The following TMEM132B variants were observed in gnomAD, a reference collection of about 807,000 sequenced individuals.
The protein encoded by TMEM132B is transmembrane protein 132B.
In TMEM132B, 18 loss-of-function variants were observed where a neutral mutation model predicts 90.8. That is an observed-to-expected ratio of 0.20 (90% confidence interval 0.14 to 0.29). TMEM132B has a LOEUF of 0.29. TMEM132B is among the 10% of genes least tolerant of loss of function. The pLI, the probability that TMEM132B is intolerant of heterozygous loss-of-function variation, is 1.00. For synonymous variants in TMEM132B, 504 were observed against 523.3 expected (o/e 0.96, Z 0.50); for missense variants, 1,096 against 1,326.8 (o/e 0.83, Z 2.70).
intron 1 of TMEM132B, among the ~76,000 whole-genome samples, chr12:125,256,235 A>G (rs923595734): frequency 2.6e-5 from 4 of 152,222 alleles, no homozygotes; most frequent in Admixed American, 2.6e-4. Flanking sequence ...GGAAATTGCA[A>G]TACAGTCTCT....
chr12:125,381,453 C>T (rs558782581), intron 2 of TMEM132B, among the ~76,000 whole-genome samples: 16 of 152,266 alleles, frequency 1.1e-4, no homozygotes, highest in African/African-American at 3.9e-4. Flanking sequence ...CAGAATTGTC[C>T]CTCAGGAAAA....
chr12:125,388,915 A>G (rs1012665750), intron 2 of TMEM132B, among the ~76,000 whole-genome samples: 9 of 152,124 alleles, frequency 5.9e-5, no homozygotes, highest in African/African-American at 2.2e-4. Context: ...CCTACTAGTT[A>G]CAAGGCAACA....
At chr12:125,541,049 A>G (rs960450991) in intron 4 of TMEM132B, among the ~76,000 whole-genome samples, 13 of 152,132 alleles carry the variant, frequency 8.5e-5, no homozygotes, top group Non-Finnish European at 1.9e-4. Flanking sequence ...CCAGATGTCT[A>G]CAAGACTCAT....
At chr12:125,249,261 C>CGG (rs1565983642) in intron 1 of TMEM132B, among the ~76,000 whole-genome samples, 1 of 152,052 alleles carries the variant, frequency 6.6e-6, no homozygotes, top group East Asian at 1.9e-4. Context: ...GGGCTCCATC[C>CGG]CAGAGTTTCT....
intron 1 of TMEM132B, among the ~76,000 whole-genome samples, chr12:125,196,299 A>C (rs1276122406): frequency 6.6e-6 from 1 of 152,256 alleles, no homozygotes; most frequent in Non-Finnish European, 1.5e-5. Context: ...TGAAATTAAC[A>C]AACAGAACAA....
chr12:125,630,756 T>C (rs1440802509), intron 5 of TMEM132B, among the ~76,000 whole-genome samples: 3 of 151,970 alleles, frequency 2.0e-5, no homozygotes, highest in African/African-American at 7.2e-5. Flanking sequence ...CCATCCTCAA[T>C]TAGGCCCCAC....
intron 1 of TMEM132B, among the ~76,000 whole-genome samples, chr12:125,237,268 C>T (rs2136088424): frequency 6.6e-6 from 1 of 152,234 alleles, no homozygotes; most frequent in Admixed American, 6.5e-5. Context: ...CACCAAGGGG[C>T]TGTGGCTTTG....
intron 2 of TMEM132B, among the ~76,000 whole-genome samples, chr12:125,395,450 C>T (rs1480903629): frequency 1.3e-5 from 2 of 152,180 alleles, no homozygotes; most frequent in African/African-American, 4.8e-5. Context: ...GATATGACAA[C>T]AGAGGATCTC....
chr12:125,617,698 A>G (rs934088486), intron 5 of TMEM132B, among the ~76,000 whole-genome samples: 2 of 152,102 alleles, frequency 1.3e-5, no homozygotes, highest in Admixed American at 1.3e-4. Flanking sequence ...TGTTGGTATC[A>G]TACCAAGGTG....
chr12:125,390,166 T>A (rs1214387120), intron 2 of TMEM132B, among the ~76,000 whole-genome samples: 1 of 152,198 alleles, frequency 6.6e-6, no homozygotes, highest in African/African-American at 2.4e-5. Context: ...CACAAATGTG[T>A]TCACCAAAAG....
intron 2 of TMEM132B, among the ~76,000 whole-genome samples, chr12:125,370,119 T>A (rs916527669): frequency 1.3e-5 from 2 of 152,178 alleles, no homozygotes; most frequent in African/African-American, 2.4e-5. Context: ...GGATGAGTGA[T>A]CTGTGAAGTT....
chr12:125,504,967 G>C (rs1397574469), intron 3 of TMEM132B, among the ~76,000 whole-genome samples: 1 of 151,862 alleles, frequency 6.6e-6, no homozygotes, highest in African/African-American at 2.4e-5. Flanking sequence ...GGCTGACCCT[G>C]GAATCGCACA....
At chr12:125,342,653 A>G (rs974910458) in intron 1 of TMEM132B, among the ~76,000 whole-genome samples, 2 of 151,886 alleles carry the variant, frequency 1.3e-5, no homozygotes, top group African/African-American at 2.4e-5. Context: ...TCTGCTTCCC[A>G]TTTGCTCCTG....
At chr12:125,446,211 G>A (rs1054481072) in intron 3 of TMEM132B, among the ~76,000 whole-genome samples, 1 of 152,038 alleles carries the variant, frequency 6.6e-6, no homozygotes, top group African/African-American at 2.4e-5. Flanking sequence ...GCTGATGCTT[G>A]GCCTCACAGA....
intron 1 of TMEM132B, among the ~76,000 whole-genome samples, chr12:125,337,251 T>C (rs1194853715): frequency 6.6e-6 from 1 of 152,238 alleles, no homozygotes; most frequent in Non-Finnish European, 1.5e-5. Flanking sequence ...TATACCATGT[T>C]GGTTTATTTG....
chr12:125,551,228 A>G (rs746070833), intron 4 of TMEM132B, among the ~76,000 whole-genome samples: 12 of 152,202 alleles, frequency 7.9e-5, no homozygotes, highest in Non-Finnish European at 1.3e-4. Context: ...TAATTCTTAC[A>G]ACAATCCTGT....
At chr12:125,231,883 G>GT (rs1268173849) in intron 1 of TMEM132B, among the ~76,000 whole-genome samples, 1 of 137,864 alleles carries the variant, frequency 7.3e-6, no homozygotes, top group African/African-American at 2.6e-5. Flanking sequence ...CTTCTTTTGT[G>GT]TCCCCCCCCC....
rs73414333 is a variant in TMEM132B, at chr12:125,505,420, C to T, written c.1107-14019C>T. On this transcript the variant is annotated intron_variant, in intron 3 of 8. Coordinates refer to ENST00000682704, the MANE Select transcript of TMEM132B (RefSeq NM_001366854.1). ...CTGAAATAAAAAAGTTTACTGGGGC[C>T]GGGTGCGGGGGCTCTTGCCTGTAAT... Among the ~76,000 whole-genome samples, 1,444 of 151,936 alleles carry T rather than the reference C, an allele frequency of 9.5e-3. 22 individuals are homozygous for T. The highest frequency in any genetic ancestry group is 0.033 in the African/African-American group (1,355 of 41,434).
intron 3 of TMEM132B, among the ~76,000 whole-genome samples, chr12:125,508,392 C>T (rs1306682051): frequency 1.3e-5 from 2 of 152,096 alleles, no homozygotes; most frequent in Admixed American, 6.5e-5. Context: ...ATCCTTTGTG[C>T]GTGATGCTGC....
Sources: allele counts gnomAD v4.1 joint callset (sites outside exome capture counted in the v4.1 genomes callset), GRCh38; gene constraint gnomAD v4.1.1; transcripts MANE v1.5; gene names NCBI Gene and HGNC (gene_info 2026-07-23, HGNC 2026-07-21).